The following CEP112 variants were observed in gnomAD, a reference collection of about 807,000 sequenced individuals.
CEP112 encodes centrosomal protein of 112 kDa.
In CEP112, 127 loss-of-function variants were observed where a neutral mutation model predicts 153.0. The observed-to-expected ratio is 0.83, with a 90% CI of 0.72 to 0.96. The LOEUF is 0.96. CEP112 is among the 40% of genes least tolerant of loss of function. The pLI is 0.00. For synonymous variants in CEP112, 358 were observed against 374.4 expected (o/e 0.96, Z 0.51); for missense variants, 1,089 against 1,101.2 (o/e 0.99, Z 0.16).
At chr17:65,807,394 A>G (rs946502765) in intron 21 of CEP112, among the ~76,000 whole-genome samples, 2 of 152,222 alleles carry the variant, frequency 1.3e-5, no homozygotes, top group African/African-American at 4.8e-5. Context: ...TGTGGTAGAA[A>G]AGAAAAACCC....
intron 8 of CEP112, among the ~76,000 whole-genome samples, chr17:66,088,255 T>G (rs1166524352): frequency 6.7e-6 from 1 of 150,284 alleles, no homozygotes; most frequent in East Asian, 2.0e-4. Flanking sequence ...CTAGGCCTAA[T>G]TTGGCACAAT....
chr17:65,979,599 C>A (rs1389695395), intron 17 of CEP112, among the ~76,000 whole-genome samples: 1 of 151,996 alleles, frequency 6.6e-6, no homozygotes, highest in Non-Finnish European at 1.5e-5. Flanking sequence ...ATTATTATAT[C>A]AATACAAAAC....
chr17:66,161,687 T>A (rs963047057), intron 4 of CEP112, among the ~76,000 whole-genome samples: 1 of 152,026 alleles, frequency 6.6e-6, no homozygotes, highest in South Asian at 2.1e-4. Context: ...TGTCAGGGGA[T>A]TGGGGGCTAG....
chr17:65,952,336 T>G (rs776935057), intron 18 of CEP112, among the ~76,000 whole-genome samples: 3 of 152,072 alleles, frequency 2.0e-5, no homozygotes, highest in Non-Finnish European at 4.4e-5. Context: ...TGAAAAGAAC[T>G]GGGAATTCTA....
chr17:65,886,567 G>C (rs75006747), intron 20 of CEP112, among the ~76,000 whole-genome samples: 2,533 of 152,282 alleles, frequency 0.017, 79 homozygotes, highest in African/African-American at 0.057. Flanking sequence ...CTGATTGATT[G>C]ACATATTTAT....
chr17:65,709,868 T>C (rs2049089404), intron 23 of CEP112, among the ~76,000 whole-genome samples: 1 of 152,240 alleles, frequency 6.6e-6, no homozygotes, highest in South Asian at 2.1e-4. Context: ...TCTACATTGC[T>C]ACCAATGATC....
intron 20 of CEP112, among the ~76,000 whole-genome samples, chr17:65,870,048 A>AGAAAGAAAGAAG (rs2058609553): frequency 5.3e-5 from 4 of 75,992 alleles, no homozygotes; most frequent in African/African-American, 1.5e-4. Flanking sequence ...AAAGAAAGAA[A>AGAAAGAAAGAAG]GAAAGAAAGA....
At chr17:66,098,902 A>C (rs1184946956) in intron 6 of CEP112, among the ~76,000 whole-genome samples, 1 of 152,200 alleles carries the variant, frequency 6.6e-6, no homozygotes, top group East Asian at 1.9e-4. Flanking sequence ...TAGCATGGGG[A>C]AAAAAGGAAG....
At chr17:65,680,593 C>T (rs914213811) in intron 24 of CEP112, among the ~76,000 whole-genome samples, 7 of 152,134 alleles carry the variant, frequency 4.6e-5, no homozygotes. Flanking sequence ...TGACACAGTC[C>T]CAGCTCAGGT....
At chr17:65,782,669 C>T (rs1325860051) in intron 21 of CEP112, among the ~76,000 whole-genome samples, 2 of 152,110 alleles carry the variant, frequency 1.3e-5, no homozygotes, top group African/African-American at 2.4e-5. Flanking sequence ...ACAAAAAGGG[C>T]GAAATCATGT....
At chr17:65,902,356 C>G (rs977260749) in intron 19 of CEP112, 22 bp from the exon 20 acceptor site, 28 of 1,597,750 alleles carry the variant, frequency 1.8e-5, no homozygotes, top group Non-Finnish European at 2.4e-5. Context: ...ATGAGGAGGA[C>G]AGTTCATCAA....
At chr17:65,850,771 C>T (rs1157481356) in intron 21 of CEP112, among the ~76,000 whole-genome samples, 1 of 152,168 alleles carries the variant, frequency 6.6e-6, no homozygotes, top group Non-Finnish European at 1.5e-5. Flanking sequence ...CTTCTCTGGC[C>T]TCATCACTTT....
intron 21 of CEP112, among the ~76,000 whole-genome samples, chr17:65,834,389 G>T (rs1339441537): frequency 6.6e-6 from 1 of 151,988 alleles, no homozygotes; most frequent in African/African-American, 2.4e-5. Flanking sequence ...CACAGCAAAA[G>T]AAACTATCAA....
At chr17:65,772,033 T>A (rs1380593850) in intron 21 of CEP112, among the ~76,000 whole-genome samples, 1 of 151,390 alleles carries the variant, frequency 6.6e-6, no homozygotes, top group African/African-American at 2.4e-5. Flanking sequence ...GAAAAAAAAA[T>A]TGCAAAGGAA....
At chr17:65,857,929 T>G (rs577958105) in intron 20 of CEP112, among the ~76,000 whole-genome samples, 1 of 152,348 alleles carries the variant, frequency 6.6e-6, no homozygotes, top group East Asian at 1.9e-4. Flanking sequence ...CTGATGGTTA[T>G]AGGATGATTC....
intron 16 of CEP112, among the ~76,000 whole-genome samples, chr17:66,008,230 T>C (rs2064357412): frequency 6.6e-6 from 1 of 152,088 alleles, no homozygotes; most frequent in Non-Finnish European, 1.5e-5. Context: ...CATATTCATA[T>C]CATACATATA....
intron 23 of CEP112, among the ~76,000 whole-genome samples, chr17:65,726,685 C>A (rs576872020): frequency 1.3e-5 from 2 of 152,032 alleles, no homozygotes; most frequent in East Asian, 3.9e-4. Flanking sequence ...TTTAGTCATA[C>A]GACGTTTTCA....
intron 17 of CEP112, among the ~76,000 whole-genome samples, chr17:65,997,167 C>T (rs565448225): frequency 5.9e-5 from 9 of 152,182 alleles, no homozygotes; most frequent in South Asian, 2.1e-4. Flanking sequence ...GCCGAGATTA[C>T]GCCACTGCAC....
intron 10 of CEP112, among the ~76,000 whole-genome samples, chr17:66,065,951 G>C (rs1444991580): frequency 6.6e-6 from 1 of 152,020 alleles, no homozygotes; most frequent in Non-Finnish European, 1.5e-5. Context: ...CTTAATGCAT[G>C]GGGTATCCAT....
Sources: gnomAD v4.1 joint callset for allele counts (sites outside exome capture counted in the v4.1 genomes callset) on GRCh38, gnomAD v4.1.1 for gene constraint, MANE v1.5 for transcripts, NCBI Gene and HGNC (gene_info 2026-07-23, HGNC 2026-07-21) for gene names.